Variants in PIAS2 observed in about 807,000 individuals in gnomAD.
PIAS2 encodes the protein protein inhibitor of activated STAT 2, also known as E3 SUMO-protein ligase PIAS2.
Under a neutral mutation model 69.7 loss-of-function variants are expected in PIAS2, and 19 were observed. The ratio of observed to expected loss-of-function variants is 0.27; its 90% CI spans 0.19 to 0.40. PIAS2 has a LOEUF of 0.40. Among genes scored for constraint, PIAS2 ranks in the 10% least tolerant of loss-of-function variants. The pLI, the probability that PIAS2 is intolerant of heterozygous loss-of-function variation, is 1.00. For missense variants in PIAS2, 624 were observed against 757.0 expected, an observed-to-expected ratio of 0.82 and a Z score of 2.06; for synonymous variants, 261 against 263.2, an observed-to-expected ratio of 0.99 and a Z score of 0.08.
At chr18:46,825,182 C>T (rs920069143) in intron 11 of PIAS2, among the ~76,000 whole-genome samples, 4 of 151,842 alleles carry the variant, frequency 2.6e-5, no homozygotes, top group Non-Finnish European at 5.9e-5. Context: ...TGCTGAACTA[C>T]AAGAAAGGAT....
chr18:46,915,629 T>G (rs977505043), intron 1 of PIAS2: 2 of 152,156 alleles, frequency 1.3e-5, no homozygotes, highest in African/African-American at 4.8e-5. Context: ...AAAAAAAGCT[T>G]CTTTGGTTTC....
intron 1 of PIAS2, among the ~76,000 whole-genome samples, chr18:46,901,826 T>C (rs1165191485): frequency 6.6e-6 from 1 of 152,192 alleles, no homozygotes; most frequent in Non-Finnish European, 1.5e-5. Flanking sequence ...AATATTATAC[T>C]CAGGGCGGAA....
chr18:46,836,443 G>C lies in PIAS2; in HGVS notation c.1116C>G (p.Leu372=). The C allele has an allele frequency of 6.2e-7, 1 of 1,613,876 alleles. No individual in the cohort carries two copies. The highest frequency in any genetic ancestry group is 8.5e-7 in the Non-Finnish European group (1 of 1,179,798). ...GCTTTTTCTCATTCATTTGTAGATA[G>C]AGGGCAGCATCAAAACACTGCAGAT... ...CTHLQCFDAA[L]YLQMNEKKPT... The change falls in exon 9 of 14, where the codon CTC becomes CTG. Residue 372 remains leucine, a synonymous_variant. Transcript: ENST00000585916.
chr18:46,854,652 T>C (rs2047471329), intron 5 of PIAS2, among the ~76,000 whole-genome samples: 1 of 152,168 alleles, frequency 6.6e-6, no homozygotes, highest in African/African-American at 2.4e-5. Context: ...GCTGCATGCA[T>C]TTACATTGTA....
At chr18:46,818,072 TTTA>T in intron 12 of PIAS2, 1 of 995,124 alleles carries the variant, frequency 1.0e-6, no homozygotes, top group Non-Finnish European at 1.2e-6. Flanking sequence ...TTAACATTAT[TTTA>T]TTAACACTGA....
intron 2 of PIAS2, among the ~76,000 whole-genome samples, chr18:46,868,799 C>G (rs1261801938): frequency 6.6e-6 from 1 of 152,208 alleles, no homozygotes; most frequent in Middle Eastern, 3.2e-3. Context: ...CCGCGATTGC[C>G]TTTCTCATCC....
At chr18:46,834,865 T>C (rs115158075) in intron 9 of PIAS2, among the ~76,000 whole-genome samples, 2 of 152,160 alleles carry the variant, frequency 1.3e-5, no homozygotes, top group African/African-American at 2.4e-5. Flanking sequence ...GGCATGAGAG[T>C]GAAATGATTT....
chr18:46,815,753 G>C, intron 12 of PIAS2: 1 of 1,001,244 alleles, frequency 1.0e-6, no homozygotes, highest in Non-Finnish European at 1.2e-6. Flanking sequence ...CAGAAATACA[G>C]AGGTTCATCT....
chr18:46,897,079 A>C (rs1322004187), intron 1 of PIAS2, among the ~76,000 whole-genome samples: 1 of 152,162 alleles, frequency 6.6e-6, no homozygotes, highest in Non-Finnish European at 1.5e-5. Flanking sequence ...TGTTTCAATA[A>C]CTCAAAAGTT....
chr18:46,904,949 G>A (rs1426751922), intron 1 of PIAS2, among the ~76,000 whole-genome samples: 2 of 151,918 alleles, frequency 1.3e-5, no homozygotes, highest in Non-Finnish European at 2.9e-5. Context: ...AATGAAAAAC[G>A]AAACAAAATT....
At chr18:46,866,882 G>A (rs1219244591) in intron 2 of PIAS2, among the ~76,000 whole-genome samples, 1 of 152,178 alleles carries the variant, frequency 6.6e-6, no homozygotes, top group East Asian at 1.9e-4. Context: ...CACCTGTAAA[G>A]TTGGGCACAA....
intron 1 of PIAS2, among the ~76,000 whole-genome samples, chr18:46,894,112 T>TGA (rs1241042536): frequency 6.6e-6 from 1 of 152,052 alleles, no homozygotes; most frequent in Non-Finnish European, 1.5e-5. Context: ...GGCGACAGAG[T>TGA]GAGACCCCAT....
chr18:46,839,215 C>T (rs572302673), intron 8 of PIAS2, among the ~76,000 whole-genome samples: 1 of 152,104 alleles, frequency 6.6e-6, no homozygotes, highest in African/African-American at 2.4e-5. Flanking sequence ...TATACCTATT[C>T]AACAAAATGC....
intron 1 of PIAS2, 36 bp from the exon 2 acceptor site, chr18:46,891,090 C>T (rs752531462): frequency 7.1e-7 from 1 of 1,401,626 alleles, no homozygotes; most frequent in Non-Finnish European, 9.8e-7. Context: ...AGCCAAGTCA[C>T]CCTCAAGCAT....
At chr18:46,916,012 A>C (rs1349533271) in intron 1 of PIAS2, among the ~76,000 whole-genome samples, 4 of 152,174 alleles carry the variant, frequency 2.6e-5, no homozygotes, top group Admixed American at 2.6e-4. Context: ...TAAAACCCTT[A>C]AACTTATCAA....
rs1476230864 is a variant in PIAS2, at chr18:46,875,315, GC to G, written c.500-11068del. 4.6e-5 allele frequency among the ~76,000 whole-genome samples: 7 copies of G among 152,146 alleles called. No homozygotes were observed. In the South Asian group the frequency reaches 1.5e-3, roughly 32 times the overall value. ...CCCAATATGGAGGATGGACAGCCAGGCCCCCTTCTTCAAACAAGTTGCAAGG... is the reference window on the plus strand; with the variant it reads ...CCCAATATGGAGGATGGACAGCCAGGCCCCTTCTTCAAACAAGTTGCAAGG... On this transcript the variant is annotated intron_variant, in intron 2 of 13. Coordinates refer to ENST00000585916, the MANE Select transcript of PIAS2 (RefSeq NM_004671.5).
intron 5 of PIAS2, chr18:46,854,024 T>G (rs2047373255): frequency 6.6e-6 from 1 of 152,284 alleles, no homozygotes; most frequent in African/African-American, 2.4e-5. Flanking sequence ...AGTGATGCAG[T>G]GTTGCTCAAG....
chr18:46,885,497 G>C (rs975200328), intron 2 of PIAS2, among the ~76,000 whole-genome samples: 2 of 151,356 alleles, frequency 1.3e-5, no homozygotes, highest in African/African-American at 4.9e-5. Flanking sequence ...CTCCAGCCCT[G>C]GTGACAGTGC....
At chr18:46,867,503 T>G (rs149951315) in intron 2 of PIAS2, among the ~76,000 whole-genome samples, 1 of 152,198 alleles carries the variant, frequency 6.6e-6, no homozygotes, top group African/African-American at 2.4e-5. Context: ...AGTATGCAGG[T>G]TTTGCAGTTT....
Sources: allele counts gnomAD v4.1 joint callset (sites outside exome capture counted in the v4.1 genomes callset), GRCh38; gene constraint gnomAD v4.1.1; transcripts MANE v1.5; gene names NCBI Gene and HGNC (gene_info 2026-07-23, HGNC 2026-07-21).